Variants in SPATA6L observed in about 807,000 individuals in gnomAD.
SPATA6L encodes spermatogenesis associated 6 like.
SPATA6L carries 68 observed loss-of-function variants against 49.2 expected under a neutral mutation model. The ratio of observed to expected loss-of-function variants is 1.38; its 90% confidence interval spans 1.14 to 1.69. The LOEUF (loss-of-function observed/expected upper bound fraction) is 1.69. SPATA6L is among the 40% of genes most tolerant of loss of function. The pLI, the probability that SPATA6L is intolerant of heterozygous loss-of-function variation, is 0.00. For synonymous variants in SPATA6L, 198 were observed against 165.7 expected, an observed-to-expected ratio of 1.19 and a Z score of -1.50; for missense variants, 668 against 464.3, an observed-to-expected ratio of 1.44 and a Z score of -4.03.
At chr9:4,617,869 C>T in intron 9 of SPATA6L, 54 bp downstream of exon 9, 5 of 1,457,892 alleles carry the variant, frequency 3.4e-6, no homozygotes, top group East Asian at 2.4e-5. Context: ...CAGCTTTACC[C>T]CTGCCAGGCC....
chr9:4,629,753 A>G (rs1299809540), intron 4 of SPATA6L, among the ~76,000 whole-genome samples: 1 of 111,100 alleles, frequency 9.0e-6, no homozygotes, highest in East Asian at 3.1e-4. Flanking sequence ...TGTGTTTTAT[A>G]TATGTGTGTG....
intron 2 of SPATA6L, among the ~76,000 whole-genome samples, chr9:4,656,892 T>C (rs1413778968): frequency 6.6e-6 from 1 of 152,120 alleles, no homozygotes. Flanking sequence ...TAAAAAGAAA[T>C]ATTACCTATG....
chr9:4,654,913 G>C (rs115170952), intron 3 of SPATA6L, among the ~76,000 whole-genome samples: 2 of 152,212 alleles, frequency 1.3e-5, no homozygotes, highest in African/African-American at 4.8e-5. Flanking sequence ...TGTGGGGATG[G>C]AGCCCTAGCC....
intron 11 of SPATA6L, among the ~76,000 whole-genome samples, chr9:4,603,401 G>A (rs574733008): frequency 6.6e-6 from 1 of 152,158 alleles, no homozygotes; most frequent in Non-Finnish European, 1.5e-5. Flanking sequence ...TTGCACTCTA[G>A]CCTGGGTGAC....
chr9:4,596,424 A>C (rs919770438), downstream of SPATA6L: 4 of 152,218 alleles, frequency 2.6e-5, no homozygotes, highest in African/African-American at 9.6e-5. Context: ...GCTTCCAGCA[A>C]TAACACCTAC....
At chr9:4,655,999 A>G (rs1482558695) in intron 3 of SPATA6L, 42 bp downstream of exon 3, 1 of 1,497,068 alleles carries the variant, frequency 6.7e-7, no homozygotes, top group East Asian at 2.3e-5. Context: ...AATTACACAC[A>G]ATAGTCTTTT....
Position 4,649,302 on chromosome 9 carries a change from A to G in SPATA6L, c.226+6739T>C, listed in dbSNP as rs568261723. Among the ~76,000 whole-genome samples, 14 of 152,324 alleles carry G rather than the reference A, an allele frequency of 9.2e-5. No individual in the cohort carries two copies. In the East Asian group the frequency reaches 1.9e-3, roughly 21 times the overall value. The stretch of plus-strand genomic sequence containing the variant: ...ACTTTTAGTTCTTTAAGGAATCTCT[A>G]CACTATTTTCCACAGTGGTTGTACT... On this transcript the variant is annotated intron_variant, in intron 3 of 11. Transcript: ENST00000682582.
Position 4,622,970 on chromosome 9 carries a change from A to C in SPATA6L, c.670-460T>G, listed in dbSNP as rs151209228. On this transcript the variant is annotated intron_variant, in intron 6 of 11. Coordinates refer to ENST00000682582, the MANE Select transcript of SPATA6L (RefSeq NM_001353486.2). ...ATTCCTCTCTGGTCCGAGTATCTACATTTTTGAAAAAAGAATAAGGGTAGC... is the reference window on the plus strand; with the variant it reads ...ATTCCTCTCTGGTCCGAGTATCTACCTTTTTGAAAAAAGAATAAGGGTAGC... Among the ~76,000 whole-genome samples the C allele has an allele frequency of 6.9e-3, 961 of 139,766 alleles. 15 individuals carry two copies. The highest frequency in any genetic ancestry group is 0.029 in the African/African-American group (923 of 32,304). 91.7% of individuals were successfully genotyped at this position (139,766 alleles called of 152,430 possible). A position where few individuals can be genotyped will look rare whatever the true frequency, so the allele number is the denominator to read the frequency against.
At chr9:4,639,134 T>C (rs956520489) in intron 3 of SPATA6L, among the ~76,000 whole-genome samples, 6 of 152,214 alleles carry the variant, frequency 3.9e-5, no homozygotes, top group African/African-American at 1.4e-4. Flanking sequence ...ATGCACAGCA[T>C]AGCACCTGAC....
In SPATA6L at chr9:4,600,593, C is replaced by T. The variant is rs1822996282; in HGVS notation, c.*218G>A. On this transcript the variant is annotated 3_prime_UTR_variant, in exon 12 of 12. Coordinates refer to ENST00000682582, the MANE Select transcript of SPATA6L (RefSeq NM_001353486.2). ...ACAAACATGCAAAAACACAAATTTT[C>T]CAGCTTGACAAGAAAATGTTAGCCC... is the stretch of plus-strand genomic sequence containing the variant. 1 of 151,984 alleles carries T rather than the reference C, an allele frequency of 6.6e-6. No individual in the cohort carries two copies. The highest frequency in any genetic ancestry group is 2.1e-4 in the South Asian group (1 of 4,812). 9.4% of individuals were successfully genotyped at this position (151,984 alleles called of 1,614,324 possible). A position where few individuals can be genotyped will look rare whatever the true frequency, so the allele number is the denominator to read the frequency against.
At position 4,617,917 on chromosome 9, in the gene SPATA6L, A is replaced by G. The variant is rs1410205769; in HGVS notation, c.995+6T>C. ...TCAGGCAAACAGATGGGTGCTTGCC[A>G]CTGACCTTTCTCTGAGAAGGGGCTG... On this transcript the variant is annotated splice_donor_region_variant and intron_variant, in intron 9 of 11. Transcript: ENST00000682582. 1 of 1,602,760 alleles carries G rather than the reference A, an allele frequency of 6.2e-7. No individual in the cohort carries two copies. Among genetic ancestry groups the G allele is most frequent in the East Asian group, 2.2e-5 (1 of 44,504 alleles).
intron 1 of SPATA6L, chr9:4,663,527 C>A: frequency 2.5e-6 from 1 of 404,086 alleles, no homozygotes. Context: ...TCCAGGACAA[C>A]TGCAAAGAAA....
intron 3 of SPATA6L, among the ~76,000 whole-genome samples, chr9:4,639,734 C>T (rs1374584050): frequency 6.6e-6 from 1 of 152,232 alleles, no homozygotes; most frequent in South Asian, 2.1e-4. Flanking sequence ...CAACGAACTT[C>T]TCCCCCAAAA....
At chr9:4,648,876 T>C (rs301484) in intron 3 of SPATA6L, among the ~76,000 whole-genome samples, 96,703 of 151,750 alleles carry the variant, frequency 0.64, 32,937 homozygotes, top group African/African-American at 0.89. Context: ...CATTCTTCTG[T>C]TTTTGCATCC....
At chr9:4,643,927 A>G (rs932180959) in intron 3 of SPATA6L, among the ~76,000 whole-genome samples, 4 of 152,104 alleles carry the variant, frequency 2.6e-5, no homozygotes, top group African/African-American at 9.7e-5. Context: ...GAATCACTTG[A>G]ACACGGGAGG....
At position 4,662,359 on chromosome 9, in the gene SPATA6L, C is replaced by G; in HGVS notation, c.40-323G>C. The G allele has an allele frequency of 6.7e-7, 1 of 1,489,330 alleles. No homozygotes were observed. The highest frequency in any genetic ancestry group is 8.9e-7 in the Non-Finnish European group (1 of 1,127,124). 92.3% of individuals were successfully genotyped at this position (1,489,330 alleles called of 1,614,324 possible). On this transcript the variant is annotated intron_variant, in intron 1 of 11. Coordinates refer to ENST00000682582, the MANE Select transcript of SPATA6L (RefSeq NM_001353486.2). This position sits in a 1 kb window ranked among gnomAD's most constrained non-coding sequence, Gnocchi z 4.9. ...GTTTGGTCCGGCCAGGTCCCGGGAT[C>G]CGGGCCGCCAGCTGCGATGCCAAGT...
intron 3 of SPATA6L, among the ~76,000 whole-genome samples, chr9:4,650,281 C>G (rs1836505404): frequency 6.6e-6 from 1 of 152,180 alleles, no homozygotes; most frequent in Non-Finnish European, 1.5e-5. Flanking sequence ...TCTCTATATT[C>G]TGCTATTATC....
intron 9 of SPATA6L, among the ~76,000 whole-genome samples, chr9:4,605,852 G>T (rs1234077465): frequency 6.6e-6 from 1 of 152,228 alleles, no homozygotes; most frequent in Non-Finnish European, 1.5e-5. Flanking sequence ...AGCTCCCAGC[G>T]TGAGCGACGC....
At chr9:4,649,094 CAT>C (rs780522520) in intron 3 of SPATA6L, among the ~76,000 whole-genome samples, 7 of 138,644 alleles carry the variant, frequency 5.0e-5, no homozygotes, top group East Asian at 2.1e-4. Context: ...CACACACACA[CAT>C]ATCACAGTTT....
Sources: gnomAD v4.1 joint callset for allele counts (sites outside exome capture counted in the v4.1 genomes callset) on GRCh38, gnomAD v4.1.1 for gene constraint, Gnocchi (gnomAD v3.1) non-coding constraint, MANE v1.5 for transcripts, NCBI Gene and HGNC (gene_info 2026-07-23, HGNC 2026-07-21) for gene names.